The following NINL variants were observed in gnomAD, a reference collection of about 807,000 sequenced individuals.
NINL encodes the protein ninein like.
In NINL, 153 loss-of-function variants were observed where a neutral mutation model predicts 160.3. The observed-to-expected ratio is 0.95, with a 90% CI of 0.84 to 1.09. The LOEUF (loss-of-function observed/expected upper bound fraction) is 1.09. Among genes scored for constraint, NINL ranks in the 50% least tolerant of loss-of-function variants. The pLI is 0.00. For missense variants in NINL, 1,829 were observed against 1,764.0 expected (o/e 1.04, Z -0.66); for synonymous variants, 800 against 734.8 (o/e 1.09, Z -1.43).
chr20:25,504,398 C>T (rs527600768), intron 6 of NINL, among the ~76,000 whole-genome samples: 5 of 152,290 alleles, frequency 3.3e-5, no homozygotes, highest in African/African-American at 7.2e-5. Flanking sequence ...CTGGATCCTG[C>T]GGGATGCTGA....
At chr20:25,530,222 T>C (rs943554248) in intron 1 of NINL, among the ~76,000 whole-genome samples, 12 of 152,220 alleles carry the variant, frequency 7.9e-5, no homozygotes, top group African/African-American at 2.4e-4. Flanking sequence ...CTAGAACAGA[T>C]GGGCGGTGAG....
At position 25,453,364 on chromosome 20, in the gene NINL, T is replaced by A. The variant is rs7360349; in HGVS notation, c.*87A>T. 3 of 1,214,028 alleles carry A rather than the reference T, an allele frequency of 2.5e-6. No homozygotes were observed. Among genetic ancestry groups the A allele is most frequent in the Non-Finnish European group, 3.5e-6 (3 of 856,480 alleles). 75.2% of individuals were successfully genotyped at this position (1,214,028 alleles called of 1,614,324 possible). A position where few individuals can be genotyped will look rare whatever the true frequency, so the allele number is the denominator to read the frequency against. ...CAATCCTCAGATGTCCCAGGACTCA[T>A]GGCTCATGACCCACGGAATCTAAGG... On this transcript the variant is annotated 3_prime_UTR_variant, in exon 24 of 24. Coordinates refer to ENST00000278886, the MANE Select transcript of NINL (RefSeq NM_025176.6).
chr20:25,461,679 G>A (rs372406490), intron 20 of NINL, 44 bp from the exon 21 acceptor site: 3 of 1,285,842 alleles, frequency 2.3e-6, no homozygotes, highest in Non-Finnish European at 2.3e-6. Context: ...AGTATCTGAA[G>A]AGTCTGGTAT....
chr20:25,562,825 T>C (rs1600349243), intron 1 of NINL, among the ~76,000 whole-genome samples: 1 of 149,886 alleles, frequency 6.7e-6, no homozygotes, highest in Admixed American at 6.6e-5. Context: ...AGGGAAGTAA[T>C]ACCAGAGGGA....
At chr20:25,577,869 G>A (rs1396297042) in intron 1 of NINL, among the ~76,000 whole-genome samples, 2 of 145,590 alleles carry the variant, frequency 1.4e-5, no homozygotes, top group Non-Finnish European at 3.0e-5. Flanking sequence ...TTTCACTCTC[G>A]TTGCCCAGGC....
intron 19 of NINL, 78 bp downstream of exon 19, chr20:25,467,311 T>G: frequency 8.1e-7 from 1 of 1,242,058 alleles, no homozygotes; most frequent in Non-Finnish European, 1.2e-6. Flanking sequence ...TACTTCCTTT[T>G]GTAAGTTTAA....
intron 1 of NINL, among the ~76,000 whole-genome samples, chr20:25,561,256 C>G (rs1316060610): frequency 1.3e-5 from 2 of 152,178 alleles, no homozygotes; most frequent in Non-Finnish European, 2.9e-5. Context: ...CCGGGCTGGT[C>G]TCCAGCTCCT....
intron 1 of NINL, among the ~76,000 whole-genome samples, chr20:25,552,745 T>C (rs143875653): frequency 1.9e-3 from 294 of 152,120 alleles, no homozygotes; most frequent in Admixed American, 2.9e-3. Context: ...GAGAGAAAAA[T>C]AGAGGTGCTG....
intron 19 of NINL, among the ~76,000 whole-genome samples, chr20:25,464,648 C>T (rs550080695): frequency 1.9e-4 from 29 of 152,288 alleles, no homozygotes; most frequent in South Asian, 1.0e-3. Flanking sequence ...CAGCAGCTCT[C>T]ACGCGGCTGC....
At chr20:25,462,262 G>A in intron 20 of NINL, 121 bp downstream of exon 20, 2 of 874,748 alleles carry the variant, frequency 2.3e-6, no homozygotes, top group Non-Finnish European at 3.4e-6. Context: ...TCCAAGGCAT[G>A]CTTGGGAAGT....
intron 10 of NINL, among the ~76,000 whole-genome samples, chr20:25,493,910 A>C (rs66591653): frequency 0.099 from 15,085 of 152,150 alleles, 1,267 homozygotes; most frequent in African/African-American, 0.23. Context: ...TCGCCTCACC[A>C]GACACCTCCT....
At chr20:25,468,778 C>T (rs1349335862) in intron 18 of NINL, among the ~76,000 whole-genome samples, 48 of 143,218 alleles carry the variant, frequency 3.4e-4, no homozygotes, top group African/African-American at 1.2e-3. Context: ...GGTGGGCGCC[C>T]GCTTGCCCTG....
chr20:25,505,155 G>A lies in NINL; in HGVS notation c.518-77C>T, dbSNP rs549518722. The A allele has an allele frequency of 3.8e-4, 517 of 1,344,560 alleles. 2 individuals carry two copies. The highest frequency in any genetic ancestry group is 2.8e-3 in the Middle Eastern group (15 of 5,326). 83.3% of individuals were successfully genotyped at this position (1,344,560 alleles called of 1,614,324 possible). ...ACGACTCAGCCTTAGAAAGAAGGAC[G>A]TTCTGCCCTTTCCAACAGCGTGAAT... On this transcript the variant is annotated intron_variant, in intron 5 of 23. Coordinates refer to ENST00000278886, the MANE Select transcript of NINL (RefSeq NM_025176.6).
chr20:25,526,423 G>A lies in NINL; in HGVS notation c.165C>T (p.Asn55=), dbSNP rs374578020. The A allele has an allele frequency of 4.8e-5, 77 of 1,611,306 alleles. 1 individual carries two copies. The highest frequency in any genetic ancestry group is 6.0e-5 in the Non-Finnish European group (71 of 1,177,980). The change falls in exon 2 of 24, where the codon AAC becomes AAT. Residue 55 remains asparagine, a synonymous_variant. Transcript: ENST00000278886. ...LPVLLQTLLG[N]DHFARVNFEE... is the part of the protein sequence containing the mutation. ...CAACACTCACCCTGGCGAAATGGTCGTTTCCGAGAAGCGTCTGCAGGAGGA... is the reference window on the plus strand; with the variant it reads ...CAACACTCACCCTGGCGAAATGGTCATTTCCGAGAAGCGTCTGCAGGAGGA...
At chr20:25,516,871 A>C (rs77670336) in intron 3 of NINL, among the ~76,000 whole-genome samples, 3,156 of 152,230 alleles carry the variant, frequency 0.021, 110 homozygotes, top group African/African-American at 0.069. Context: ...GTGCACACAC[A>C]AGGGCCCAGG....
At chr20:25,461,893 C>G (rs1032223067) in intron 20 of NINL, among the ~76,000 whole-genome samples, 2 of 152,158 alleles carry the variant, frequency 1.3e-5, no homozygotes, top group African/African-American at 4.8e-5. Flanking sequence ...GCAGTGGGAG[C>G]GTTTCCTGGG....
chr20:25,483,726 C>T (rs751806642), intron 13 of NINL, among the ~76,000 whole-genome samples: 1 of 152,288 alleles, frequency 6.6e-6, no homozygotes, highest in Non-Finnish European at 1.5e-5. Flanking sequence ...TAATGAACTA[C>T]GTCCTAACCA....
intron 19 of NINL, among the ~76,000 whole-genome samples, chr20:25,464,447 C>T (rs202132646): frequency 5.3e-4 from 79 of 147,838 alleles, no homozygotes; most frequent in African/African-American, 1.9e-3. Flanking sequence ...CAAACAAACA[C>T]ACAACAAACT....
rs5841058 is a variant in NINL at position 25,452,811 on chromosome 20, C to CT, written c.*639dup. The CT allele has an allele frequency of 0.45, 65,567 of 144,766 alleles. 15,040 individuals are homozygous for CT. The highest frequency in any genetic ancestry group is 0.91 in the East Asian group (4,545 of 4,972). The allele number at this position is 144,766 out of a possible 1,614,324, so 9.0% of individuals were successfully genotyped here. A position where few individuals can be genotyped will look rare whatever the true frequency, so the allele number is the denominator to read the frequency against. ...CATACATTTCAAATATAAAACTATA[C>CT]TTTTTTTTTTTTTTACATATAGTAC... On this transcript the variant is annotated 3_prime_UTR_variant, in exon 24 of 24. Coordinates refer to ENST00000278886, the MANE Select transcript of NINL (RefSeq NM_025176.6).
Sources: gnomAD v4.1 joint callset for allele counts (sites outside exome capture counted in the v4.1 genomes callset) on GRCh38, gnomAD v4.1.1 for gene constraint, MANE v1.5 for transcripts, NCBI Gene and HGNC (gene_info 2026-07-23, HGNC 2026-07-21) for gene names.